Variants in TRPM1 observed in about 807,000 individuals in gnomAD.
TRPM1 encodes TRPM1-203 APA Isoform, Intron 10.
TRPM1 carries 113 observed loss-of-function variants against 149.4 expected under a neutral mutation model. The observed-to-expected ratio is 0.76, with a 90% CI of 0.65 to 0.88. The LOEUF (loss-of-function observed/expected upper bound fraction) is 0.88, where lower values mean the gene tolerates loss of function less well. Among genes scored for constraint, TRPM1 ranks in the 40% least tolerant of loss-of-function variants. The pLI is 0.00. For missense variants in TRPM1, 1,976 were observed against 2,038.7 expected (o/e 0.97, Z 0.59); for synonymous variants, 741 against 759.5 (o/e 0.98, Z 0.40).
At chr15:31,069,789 G>T in intron 4 of TRPM1, 2 of 1,461,420 alleles carry the variant, frequency 1.4e-6, no homozygotes, top group Non-Finnish European at 1.8e-6. Context: ...CCTGGTTTGT[G>T]GATTCAGAGC....
chr15:31,145,357 A>AT (rs1339117956), intron 1 of TRPM1, among the ~76,000 whole-genome samples: 5 of 151,654 alleles, frequency 3.3e-5, no homozygotes, highest in East Asian at 3.9e-4. Flanking sequence ...ACCCCTTTTA[A>AT]TTTTTTTTTA....
intron 11 of TRPM1, among the ~76,000 whole-genome samples, chr15:31,051,816 C>T (rs920463971): frequency 3.3e-5 from 5 of 152,200 alleles, no homozygotes; most frequent in East Asian, 1.9e-4. Context: ...CAAAGACATG[C>T]AGCTCCTTAT....
chr15:31,144,979 G>T (rs1413105914), intron 1 of TRPM1, among the ~76,000 whole-genome samples: 1 of 152,128 alleles, frequency 6.6e-6, no homozygotes, highest in African/African-American at 2.4e-5. Flanking sequence ...GCCTCCCAAA[G>T]TGCTGAGATT....
intron 1 of TRPM1, among the ~76,000 whole-genome samples, chr15:31,141,834 T>G (rs913327741): frequency 2.6e-5 from 4 of 152,206 alleles, no homozygotes; most frequent in African/African-American, 9.6e-5. Context: ...TTGAGTTCTA[T>G]TAATGAATCC....
At chr15:31,023,327 A>G (rs926370240) in intron 27 of TRPM1, among the ~76,000 whole-genome samples, 1 of 152,238 alleles carries the variant, frequency 6.6e-6, no homozygotes, top group African/African-American at 2.4e-5. Flanking sequence ...AGAGAAATGG[A>G]ATACAGAGCA....
intron 3 of TRPM1, 94 bp downstream of exon 3, chr15:31,076,811 C>T (rs1450820727): frequency 6.9e-6 from 7 of 1,013,348 alleles, no homozygotes; most frequent in Admixed American, 5.1e-5. Flanking sequence ...TCTGGCCACC[C>T]TTCTGGACTC....
chr15:31,121,627 A>C (rs1361112975), intron 1 of TRPM1, among the ~76,000 whole-genome samples: 1 of 152,230 alleles, frequency 6.6e-6, no homozygotes, highest in African/African-American at 2.4e-5. Flanking sequence ...ATACAATGAG[A>C]AATAGGTCGC....
intron 1 of TRPM1, among the ~76,000 whole-genome samples, chr15:31,088,794 C>T (rs1030204677): frequency 1.8e-5 from 2 of 113,992 alleles, no homozygotes; most frequent in African/African-American, 3.8e-5. Flanking sequence ...CCTGAACGTT[C>T]TTTCTGCTGG....
chr15:31,022,381 A>G (rs1204002384), intron 27 of TRPM1, among the ~76,000 whole-genome samples: 1 of 152,260 alleles, frequency 6.6e-6, no homozygotes, highest in Non-Finnish European at 1.5e-5. Flanking sequence ...CTGTAATCCC[A>G]GCATTTTGGA....
In TRPM1 at chr15:31,002,226, A is replaced by G. The variant is rs2141099058; in HGVS notation, c.4474T>C (p.Trp1492Arg). 2 of 1,614,252 alleles carry G rather than the reference A, an allele frequency of 1.2e-6. No individual in the cohort carries two copies. Among genetic ancestry groups the G allele is most frequent in the Non-Finnish European group, 1.7e-6 (2 of 1,180,042 alleles). ...SITDQQLTTE[W>R]QCQVQKITRS... ...GTGATCTTTTGAACTTGGCATTGCC[A>G]TTCCGTCGTCAATTGCTGGTCCGTG... The change falls in exon 28 of 28, where the codon TGG (tryptophan) becomes CGG (arginine). Residue 1492 changes from tryptophan to arginine, a missense_variant. Physicochemically the swap from Trp to Arg is moderately radical, Grantham distance 101. Coordinates refer to ENST00000256552, the MANE Select transcript of TRPM1 (RefSeq NM_001252024.2).
chr15:31,103,312 C>T (rs2035551664), upstream of TRPM1, among the ~76,000 whole-genome samples: 1 of 152,242 alleles, frequency 6.6e-6, no homozygotes, highest in African/African-American at 2.4e-5. Context: ...TGAGATGTCT[C>T]ACACAGTGGC....
In TRPM1 at chr15:31,116,850, C is replaced by T. The variant is rs77939382; in HGVS notation, c.55-39866G>A. Reference sequence around the variant, plus strand: ...ACAGTGTAATCCCTGGCCAGATAAACATAAACCCTCACATTAAAGGCCTAT... The same window carrying T: ...ACAGTGTAATCCCTGGCCAGATAAATATAAACCCTCACATTAAAGGCCTAT... On this transcript the variant is annotated intron_variant, in intron 1 of 26. Coordinates refer to the TRPM1 transcript ENST00000542188. 5.0e-3 allele frequency among the ~76,000 whole-genome samples: 755 copies of T among 152,278 alleles called. 8 individuals are homozygous for T. The highest frequency in any genetic ancestry group is 0.017 in the African/African-American group (705 of 41,564).
At chr15:31,088,069 G>C (rs753679465) in intron 1 of TRPM1, among the ~76,000 whole-genome samples, 2 of 152,220 alleles carry the variant, frequency 1.3e-5, no homozygotes, top group African/African-American at 4.8e-5. Context: ...AGGTGCAGCC[G>C]ACTGGGCTTC....
At chr15:31,132,749 C>G (rs2036033337) in intron 1 of TRPM1, among the ~76,000 whole-genome samples, 2 of 152,078 alleles carry the variant, frequency 1.3e-5, no homozygotes, top group African/African-American at 2.4e-5. Flanking sequence ...TGGGAGGAAC[C>G]CAGTGGGAGG....
At chr15:31,035,297 C>T (rs370421196) in intron 21 of TRPM1, among the ~76,000 whole-genome samples, 112 of 152,278 alleles carry the variant, frequency 7.4e-4, no homozygotes, top group African/African-American at 2.6e-3. Context: ...TGCACCACCA[C>T]GACTGGCTAA....
chr15:31,015,727 A>C (rs1377562145), intron 27 of TRPM1, among the ~76,000 whole-genome samples: 1 of 152,202 alleles, frequency 6.6e-6, no homozygotes, highest in African/African-American at 2.4e-5. Flanking sequence ...GGACATTGAC[A>C]CTTCCTCATA....
At chr15:31,151,112 AC>A (rs1277267722) in intron 1 of TRPM1, among the ~76,000 whole-genome samples, 3 of 152,012 alleles carry the variant, frequency 2.0e-5, no homozygotes, top group Non-Finnish European at 4.4e-5. Context: ...TGCTTGTTAA[AC>A]TTTCCCTCCA....
At chr15:31,101,600 C>T (rs2035518794) in intron 1 of TRPM1, 57 bp downstream of exon 1, 2 of 965,092 alleles carry the variant, frequency 2.1e-6, no homozygotes, top group African/African-American at 3.5e-5. Context: ...TTACCCACAC[C>T]TGAGGATACC....
chr15:31,160,045 GC>G (rs747365936), intron 1 of TRPM1, among the ~76,000 whole-genome samples: 2 of 152,036 alleles, frequency 1.3e-5, no homozygotes, highest in Non-Finnish European at 2.9e-5. Flanking sequence ...ACAATGGGCA[GC>G]CCCCTGGAAG....
Sources: gnomAD v4.1 joint callset for allele counts (sites outside exome capture counted in the v4.1 genomes callset) on GRCh38, gnomAD v4.1.1 for gene constraint, MANE v1.5 for transcripts, NCBI Gene and HGNC (gene_info 2026-07-23, HGNC 2026-07-21) for gene names.